The following ANK2 variants were observed in gnomAD, a reference collection of about 807,000 sequenced individuals.
ANK2 encodes the protein ankyrin-2.
In ANK2, 83 loss-of-function variants were observed where a neutral mutation model predicts 360.5. The observed-to-expected ratio is 0.23, with a 90% CI of 0.19 to 0.28. The LOEUF is 0.28. ANK2 is among the 10% of genes least tolerant of loss of function. The pLI is 1.00. For missense variants in ANK2, 4,201 were observed against 4,795.7 expected (o/e 0.88, Z 3.66); for synonymous variants, 1,740 against 1,759.5 (o/e 0.99, Z 0.28).
At chr4:112,855,728 A>T (rs886631068) in intron 1 of ANK2, among the ~76,000 whole-genome samples, 2 of 152,208 alleles carry the variant, frequency 1.3e-5, no homozygotes, top group African/African-American at 2.4e-5. Context: ...AAGGTCTCAC[A>T]TCTGGAGAGT....
intron 24 of ANK2, chr4:113,313,808 T>TGGGGGG (rs2081378602): frequency 3.5e-5 from 1 of 28,976 alleles, no homozygotes; most frequent in Non-Finnish European, 6.5e-5. Flanking sequence ...GGGGGAGCGG[T>TGGGGGG]GGGGGAGTGG....
rs7659965 is a variant in ANK2 at position 113,043,061 on chromosome 4, G to A, written c.22-131355G>A. Among the ~76,000 whole-genome samples the A allele has an allele frequency of 1.8e-3, 269 of 152,226 alleles. 1 individual carries two copies. Among genetic ancestry groups the A allele is most frequent in the Admixed American group, 3.4e-3 (52 of 15,272 alleles). On this transcript the variant is annotated intron_variant, in intron 2 of 30. Transcript: ENST00000503271. ...CTAGCATGGGGTCCAGCATATAGTA[G>A]TCAGTGACCCCCCAAATATCTGTTG...
intron 2 of ANK2, among the ~76,000 whole-genome samples, chr4:112,916,684 A>G (rs2089943216): frequency 6.6e-6 from 1 of 152,188 alleles, no homozygotes; most frequent in African/African-American, 2.4e-5. Flanking sequence ...ACAAGGTCAG[A>G]CACATTAAAA....
intron 1 of ANK2, among the ~76,000 whole-genome samples, chr4:112,822,238 T>TAAA (rs1211981767): frequency 1.7e-4 from 15 of 88,516 alleles, no homozygotes; most frequent in Non-Finnish European, 3.0e-4. Context: ...CTGTCTCTAC[T>TAAA]AAAAAAAAAA....
chr4:113,147,079 G>C (rs6854209), intron 1 of ANK2, among the ~76,000 whole-genome samples: 1,637 of 152,104 alleles, frequency 0.011, 37 homozygotes, highest in African/African-American at 0.037. Context: ...CAACATGAAG[G>C]GCAAATATTT....
At chr4:112,993,888 A>G (rs542223878) in intron 2 of ANK2, among the ~76,000 whole-genome samples, 5 of 150,660 alleles carry the variant, frequency 3.3e-5, no homozygotes, top group Admixed American at 6.6e-5. Flanking sequence ...TTGTATTTTT[A>G]TTAGAGACAG....
chr4:113,336,070 T>G lies in ANK2; in HGVS notation c.3591+13T>G, dbSNP rs1298924129. The G allele has an allele frequency of 4.3e-6, 7 of 1,612,152 alleles. No individual in the cohort carries two copies. Among genetic ancestry groups the G allele is most frequent in the Non-Finnish European group, 8.5e-7 (1 of 1,178,956 alleles). On this transcript the variant is annotated intron_variant, in intron 30 of 45. Transcript: ENST00000357077. ...CGTAGGCCTGCAGGTATGCCCATGT[T>G]AGATGCAAATGATCCTAACAGGATT...
chr4:113,185,553 A>T lies in ANK2; in HGVS notation c.187-10815A>T, dbSNP rs1325059837. Among the ~76,000 whole-genome samples, 4 of 152,020 alleles carry T rather than the reference A, an allele frequency of 2.6e-5. No homozygotes were observed. In the East Asian group the frequency reaches 7.7e-4, roughly 29 times the overall value. ...GTTCATATCCTTTGCCCACTTTTTG[A>T]TGGCATTGTTTTTTTCTTGTAAATT... On this transcript the variant is annotated intron_variant, in intron 2 of 45. Transcript: ENST00000357077.
At chr4:112,959,613 C>T (rs2033610498) in intron 2 of ANK2, among the ~76,000 whole-genome samples, 1 of 152,090 alleles carries the variant, frequency 6.6e-6, no homozygotes, top group Non-Finnish European at 1.5e-5. Context: ...ATACTCTCTT[C>T]CTGTATTATA....
chr4:113,005,881 C>G, intron 2 of ANK2, among the ~76,000 whole-genome samples: 1 of 152,034 alleles, frequency 6.6e-6, no homozygotes, highest in East Asian at 1.9e-4. Flanking sequence ...GTGCCTGGCA[C>G]CTCCTCCTCT....
the ANK2 span, among the ~76,000 whole-genome samples, chr4:112,735,195 G>C: frequency 3.3e-5 from 5 of 152,048 alleles, no homozygotes; most frequent in Non-Finnish European, 7.4e-5. Context: ...GTCCAGCTTG[G>C]GCAACATAGT....
chr4:113,351,972 C>T (rs1461173742), intron 37 of ANK2, among the ~76,000 whole-genome samples: 2 of 152,154 alleles, frequency 1.3e-5, no homozygotes, highest in African/African-American at 4.8e-5. Flanking sequence ...CTTCCTTAAC[C>T]TTAATGGGTG....
At chr4:112,970,016 C>G (rs1008110424) in intron 2 of ANK2, among the ~76,000 whole-genome samples, 1 of 151,896 alleles carries the variant, frequency 6.6e-6, no homozygotes, top group Non-Finnish European at 1.5e-5. Flanking sequence ...CGGAGTCTCA[C>G]TCTGTCGTCC....
intron 13 of ANK2, among the ~76,000 whole-genome samples, chr4:113,259,761 A>G (rs1421083656): frequency 6.6e-6 from 1 of 151,452 alleles, no homozygotes; most frequent in Non-Finnish European, 1.5e-5. Context: ...GAACTTTAAA[A>G]GTAATCATCA....
intron 3 of ANK2, among the ~76,000 whole-genome samples, chr4:113,196,705 T>A (rs1031661120): frequency 5.5e-4 from 84 of 152,042 alleles, no homozygotes; most frequent in Admixed American, 1.3e-3. Flanking sequence ...TTAAAAAAAA[T>A]TTTTTTAGTA....
intron 1 of ANK2, among the ~76,000 whole-genome samples, chr4:112,849,759 G>A (rs962480997): frequency 2.0e-4 from 31 of 152,096 alleles, no homozygotes; most frequent in African/African-American, 7.0e-4. Flanking sequence ...ATCAAACAGG[G>A]TTGTGATGGT....
chr4:113,158,542 G>T (rs1202028597), intron 1 of ANK2, among the ~76,000 whole-genome samples: 2 of 152,150 alleles, frequency 1.3e-5, no homozygotes, highest in South Asian at 2.1e-4. Context: ...ATCTCCAGCT[G>T]AAGGCAACTC....
chr4:113,172,475 T>G (rs1331769552), intron 1 of ANK2, among the ~76,000 whole-genome samples: 1 of 152,208 alleles, frequency 6.6e-6, no homozygotes, highest in Non-Finnish European at 1.5e-5. Flanking sequence ...GGAAACTTTC[T>G]AAATCTCTTT....
chr4:112,761,769 T>G, the ANK2 span, among the ~76,000 whole-genome samples: 1 of 152,236 alleles, frequency 6.6e-6, no homozygotes, highest in African/African-American at 2.4e-5. Flanking sequence ...CTTACCATAC[T>G]CATACTGTTG....
Sources: allele counts gnomAD v4.1 joint callset (sites outside exome capture counted in the v4.1 genomes callset), GRCh38; gene constraint gnomAD v4.1.1; transcripts MANE v1.5; gene names NCBI Gene and HGNC (gene_info 2026-07-23, HGNC 2026-07-21).